The following CNTN5 variants were observed in gnomAD, a reference collection of about 807,000 sequenced individuals.
CNTN5 encodes the protein contactin-5.
CNTN5 carries 77 observed loss-of-function variants against 129.1 expected under a neutral mutation model. The ratio of observed to expected loss-of-function variants is 0.60; its 90% CI spans 0.50 to 0.72. The LOEUF is 0.72. Among genes scored for constraint, CNTN5 ranks in the 30% least tolerant of loss-of-function variants. CNTN5 has a pLI of 0.00. For missense variants in CNTN5, 1,478 were observed against 1,328.8 expected (o/e 1.11, Z -1.75); for synonymous variants, 509 against 465.6 (o/e 1.09, Z -1.20).
chr11:99,376,743 A>C (rs1940207983), intron 2 of CNTN5, among the ~76,000 whole-genome samples: 1 of 152,186 alleles, frequency 6.6e-6, no homozygotes, highest in African/African-American at 2.4e-5. Context: ...CTGAACTGAG[A>C]TTGATGCCCT....
intron 13 of CNTN5, among the ~76,000 whole-genome samples, chr11:100,111,496 C>T (rs1945657116): frequency 6.6e-6 from 1 of 152,192 alleles, no homozygotes; most frequent in Non-Finnish European, 1.5e-5. Context: ...GTTCATAGTT[C>T]AAGCGAGGTT....
intron 18 of CNTN5, among the ~76,000 whole-genome samples, chr11:100,285,805 C>T (rs927718297): frequency 3.9e-5 from 6 of 152,284 alleles, no homozygotes; most frequent in Middle Eastern, 3.4e-3. Context: ...GCGTGAGCGA[C>T]GCAGAAGACG....
rs1346144846 is a variant in CNTN5 at position 99,452,855 on chromosome 11, C to A, written c.-70-103290C>A. 4.0e-4 allele frequency among the ~76,000 whole-genome samples: 61 copies of A among 152,012 alleles called. 2 individuals carry two copies. Among genetic ancestry groups the A allele is most frequent in the Admixed American group, 4.0e-3 (61 of 15,260 alleles). On this transcript the variant is annotated intron_variant, in intron 2 of 24. Transcript: ENST00000524871. ...TAAATTATCAGGTACATACTTTATG[C>A]CAGGTAGCATAGCTAAAGAAAAGTC... is the stretch of plus-strand genomic sequence containing the variant.
intron 3 of CNTN5, among the ~76,000 whole-genome samples, chr11:99,695,037 T>G (rs1026747086): frequency 6.6e-6 from 1 of 152,026 alleles, no homozygotes; most frequent in Admixed American, 6.6e-5. Context: ...TGGTAGCATA[T>G]TACAAAAATG....
At chr11:99,889,991 A>T (rs1327402502) in intron 6 of CNTN5, among the ~76,000 whole-genome samples, 1 of 152,214 alleles carries the variant, frequency 6.6e-6, no homozygotes, top group Non-Finnish European at 1.5e-5. Flanking sequence ...CATTGTCACA[A>T]AAAGGACTAC....
intron 3 of CNTN5, among the ~76,000 whole-genome samples, chr11:99,634,845 C>T (rs575037484): frequency 1.3e-5 from 2 of 152,138 alleles, no homozygotes; most frequent in Admixed American, 6.5e-5. Context: ...AAAGGTGACC[C>T]GTGTCATCAA....
intron 6 of CNTN5, among the ~76,000 whole-genome samples, chr11:99,898,037 C>A (rs1597998): frequency 0.95 from 144,526 of 152,204 alleles, 68,851 homozygotes; most frequent in Non-Finnish European, 0.99. Context: ...ATGAAAATAG[C>A]AACATAACAT....
intron 1 of CNTN5, among the ~76,000 whole-genome samples, chr11:99,160,955 A>G (rs1018523538): frequency 1.3e-5 from 2 of 152,328 alleles, no homozygotes; most frequent in East Asian, 3.9e-4. Context: ...AATGACTAGG[A>G]TACTGGGAAA....
intron 3 of CNTN5, among the ~76,000 whole-genome samples, chr11:99,575,693 A>G (rs1035525658): frequency 6.6e-6 from 1 of 152,218 alleles, no homozygotes; most frequent in Non-Finnish European, 1.5e-5. Context: ...GCAAAGGTTC[A>G]TGAACCTTCT....
intron 1 of CNTN5, among the ~76,000 whole-genome samples, chr11:99,188,851 A>T (rs1238593546): frequency 2.0e-5 from 3 of 151,768 alleles, no homozygotes; most frequent in Non-Finnish European, 4.4e-5. Flanking sequence ...TTCTATTTCT[A>T]CATTCTTAGC....
chr11:99,784,534 A>G (rs1945440735), intron 3 of CNTN5, among the ~76,000 whole-genome samples: 1 of 152,092 alleles, frequency 6.6e-6, no homozygotes, highest in Non-Finnish European at 1.5e-5. Flanking sequence ...CAATAAACAT[A>G]TGTGTGCATG....
intron 3 of CNTN5, among the ~76,000 whole-genome samples, chr11:99,557,015 A>T (rs10893495): frequency 0.55 from 82,250 of 150,814 alleles, 22,604 homozygotes; most frequent in South Asian, 0.66. Flanking sequence ...TAACATTTAC[A>T]GCTTGATTAT....
At chr11:99,976,709 C>T (rs544464565) in intron 8 of CNTN5, among the ~76,000 whole-genome samples, 17 of 152,326 alleles carry the variant, frequency 1.1e-4, no homozygotes, top group African/African-American at 4.1e-4. Flanking sequence ...CTGCACAGTG[C>T]AACTGGCCAC....
At chr11:100,116,402 C>T (rs1565256136) in intron 13 of CNTN5, among the ~76,000 whole-genome samples, 1 of 151,580 alleles carries the variant, frequency 6.6e-6, no homozygotes, top group Non-Finnish European at 1.5e-5. Flanking sequence ...TGGAAAATAT[C>T]CTATCTAATA....
chr11:99,844,966 C>T lies in CNTN5; in HGVS notation c.392C>T (p.Pro131Leu). ...TGTGAAGTTCGTGGCAATCCAGTTCCCAGTTACAGGTAGGAATTCACTGTT... is the reference window on the plus strand; with the variant it reads ...TGTGAAGTTCGTGGCAATCCAGTTCTCAGTTACAGGTAGGAATTCACTGTT... ...LNCEVRGNPV[P>L]SYRWLRNGTE... The change falls in exon 5 of 25, where the codon CCC becomes CTC. Residue 131 changes from proline to leucine, a missense_variant. By Grantham distance (98) the Pro-to-Leu change is moderately conservative (BLOSUM62 -3). Coordinates refer to ENST00000524871, the MANE Select transcript of CNTN5 (RefSeq NM_014361.4). The T allele has an allele frequency of 1.2e-6, 2 of 1,613,162 alleles. No homozygotes were observed. Among genetic ancestry groups the T allele is most frequent in the African/African-American group, 1.3e-5 (1 of 74,988 alleles).
chr11:99,736,032 C>A (rs1299482418), intron 3 of CNTN5, among the ~76,000 whole-genome samples: 2 of 151,726 alleles, frequency 1.3e-5, no homozygotes, highest in Non-Finnish European at 2.9e-5. Flanking sequence ...TTCTCTCTTT[C>A]TTTTTCTTTC....
intron 3 of CNTN5, among the ~76,000 whole-genome samples, chr11:99,664,627 A>G (rs1259264589): frequency 2.0e-5 from 3 of 152,354 alleles, no homozygotes; most frequent in Middle Eastern, 3.4e-3. Flanking sequence ...AATTTGAAGA[A>G]TAAGTATGGC....
At chr11:99,833,237 G>T (rs1947201554) in intron 4 of CNTN5, among the ~76,000 whole-genome samples, 1 of 152,172 alleles carries the variant, frequency 6.6e-6, no homozygotes. Flanking sequence ...GAAGGAGCTA[G>T]AGAGGACCGG....
chr11:99,739,605 G>T (rs554016968), intron 3 of CNTN5, among the ~76,000 whole-genome samples: 1 of 152,238 alleles, frequency 6.6e-6, no homozygotes, highest in East Asian at 1.9e-4. Context: ...AAGATGGAAA[G>T]GTGGAGGGGC....
Sources: gnomAD v4.1 joint callset for allele counts (sites outside exome capture counted in the v4.1 genomes callset) on GRCh38, gnomAD v4.1.1 for gene constraint, MANE v1.5 for transcripts, NCBI Gene and HGNC (gene_info 2026-07-23, HGNC 2026-07-21) for gene names.